The following GLI3 variants were observed in gnomAD, a reference collection of about 807,000 sequenced individuals.
GLI3 encodes GLI family zinc finger 3.
In GLI3, 20 loss-of-function variants were observed where a neutral mutation model predicts 100.8. The ratio of observed to expected loss-of-function variants is 0.20; its 90% CI spans 0.14 to 0.29. The LOEUF (loss-of-function observed/expected upper bound fraction) is 0.29, where lower values mean the gene tolerates loss of function less well. Ranked by LOEUF, GLI3 falls within the 10% of genes least tolerant of loss-of-function variation. GLI3 has a pLI of 1.00. For missense variants in GLI3, 2,040 were observed against 2,128.5 expected, an observed-to-expected ratio of 0.96 and a Z score of 0.82; for synonymous variants, 938 against 860.5, an observed-to-expected ratio of 1.09 and a Z score of -1.58.
chr7:42,149,206 G>A (rs1206664354), intron 2 of GLI3, among the ~76,000 whole-genome samples: 1 of 152,228 alleles, frequency 6.6e-6, no homozygotes, highest in South Asian at 2.1e-4. Flanking sequence ...AAGTCCAGGT[G>A]TGAGATGGCT....
Position 42,233,714 on chromosome 7 carries a change from CTGT to C in GLI3, c.-43+3254_-43+3256del, listed in dbSNP as rs532002407. On this transcript the variant is annotated intron_variant, in intron 1 of 14. Transcript: ENST00000395925. ...AAAGTTTGCAGCAGTACCCCCTGCC[CTGT>C]TGTTGTTTATTCTGTCTCCCTTTAT... Among the ~76,000 whole-genome samples the C allele has an allele frequency of 3.9e-3, 592 of 152,298 alleles. 2 individuals are homozygous for C. The highest frequency in any genetic ancestry group is 0.013 in the African/African-American group (544 of 41,564).
chr7:42,238,010 C>CCTCCTCCTCCTCCTT (rs1169143287), upstream of GLI3: 1 of 156,924 alleles, frequency 6.4e-6, no homozygotes. Flanking sequence ...GCCGCCTCCT[C>CCTCCTCCTCCTCCTT]CTCCTCCTCC....
intron 3 of GLI3, among the ~76,000 whole-genome samples, chr7:42,123,770 C>T (rs1287284572): frequency 6.6e-6 from 1 of 151,676 alleles, no homozygotes; most frequent in African/African-American, 2.4e-5. Flanking sequence ...AATGTAAGTG[C>T]TTACCAACTG....
At chr7:42,008,092 T>G (rs1481747091) in intron 10 of GLI3, among the ~76,000 whole-genome samples, 1 of 152,174 alleles carries the variant, frequency 6.6e-6, no homozygotes, top group Non-Finnish European at 1.5e-5. Context: ...CAGGTTCGAG[T>G]GGGACTAAGT....
chr7:41,996,416 C>T (rs940611840), intron 10 of GLI3, among the ~76,000 whole-genome samples: 6 of 152,238 alleles, frequency 3.9e-5, no homozygotes, highest in East Asian at 1.9e-4. Context: ...TTCAAATGCT[C>T]AACACAGAGA....
At chr7:42,175,806 T>C (rs1048701414) in intron 2 of GLI3, among the ~76,000 whole-genome samples, 1 of 152,176 alleles carries the variant, frequency 6.6e-6, no homozygotes, top group Non-Finnish European at 1.5e-5. Context: ...AATATCAGAC[T>C]GTACAAAACC....
At position 42,230,415 on chromosome 7, in the gene GLI3, A is replaced by G. The variant is rs148236650; in HGVS notation, c.-43+6556T>C. On this transcript the variant is annotated intron_variant, in intron 1 of 14. Coordinates refer to ENST00000395925, the MANE Select transcript of GLI3 (RefSeq NM_000168.6). ...GAATTACTCCAAGGGGAACTAAATT[A>G]CTCTAAGGGGAAATAATTGCCTGGC... Among the ~76,000 whole-genome samples the G allele has an allele frequency of 5.8e-4, 88 of 152,228 alleles. 1 individual carries two copies. The South Asian group carries it at 0.017, about 30-fold the overall frequency.
intron 2 of GLI3, among the ~76,000 whole-genome samples, chr7:42,182,658 A>ATATATATATATACATG (rs1554337020): frequency 1.8e-5 from 1 of 56,052 alleles, no homozygotes; most frequent in African/African-American, 1.0e-4. Flanking sequence ...ATATATATAT[A>ATATATATATATACATG]TATATATATA....
At chr7:42,122,687 A>C (rs1265061102) in intron 3 of GLI3, among the ~76,000 whole-genome samples, 2 of 152,228 alleles carry the variant, frequency 1.3e-5, no homozygotes, top group African/African-American at 4.8e-5. Context: ...AGTCACCAGC[A>C]CCTATCTTTT....
chr7:42,170,287 T>TATATATATATATATACACACACACACAC (rs1452471645), intron 2 of GLI3, among the ~76,000 whole-genome samples: 2 of 124,004 alleles, frequency 1.6e-5, no homozygotes, highest in African/African-American at 6.1e-5. Flanking sequence ...TATATATATA[T>TATATATATATATATACACACACACACAC]ACACACACAT....
chr7:42,054,906 G>T (rs1245430828), intron 4 of GLI3, among the ~76,000 whole-genome samples: 1 of 151,726 alleles, frequency 6.6e-6, no homozygotes, highest in Non-Finnish European at 1.5e-5. Context: ...GAGGCAGGAG[G>T]ATCACTTGAG....
At chr7:42,212,460 A>G (rs769895103) in intron 2 of GLI3, among the ~76,000 whole-genome samples, 1 of 152,226 alleles carries the variant, frequency 6.6e-6, no homozygotes, top group Admixed American at 6.5e-5. Flanking sequence ...TATTTAACCC[A>G]ATTTATAAAG....
intron 10 of GLI3, among the ~76,000 whole-genome samples, chr7:42,008,789 A>G (rs1788529415): frequency 6.6e-6 from 1 of 152,216 alleles, no homozygotes. Flanking sequence ...CACATTAGCT[A>G]GGCTTGGTGG....
At chr7:41,976,810 C>T (rs1314697080) in intron 12 of GLI3, among the ~76,000 whole-genome samples, 1 of 152,160 alleles carries the variant, frequency 6.6e-6, no homozygotes, top group Admixed American at 6.5e-5. Context: ...GCTAGACCTC[C>T]AAGGCCAAAT....
chr7:41,973,548 G>A (rs1787422933), intron 12 of GLI3, among the ~76,000 whole-genome samples: 1 of 152,184 alleles, frequency 6.6e-6, no homozygotes, highest in African/African-American at 2.4e-5. Flanking sequence ...CATCGGATTT[G>A]TGAGTTTGTT....
chr7:41,995,355 G>A (rs1192886861), intron 10 of GLI3, among the ~76,000 whole-genome samples: 1 of 152,084 alleles, frequency 6.6e-6, no homozygotes, highest in Non-Finnish European at 1.5e-5. Context: ...GCAGGAACCT[G>A]GTGTGTAGGC....
intron 2 of GLI3, among the ~76,000 whole-genome samples, chr7:42,169,840 C>T (rs1166683181): frequency 6.6e-6 from 1 of 152,010 alleles, no homozygotes; most frequent in East Asian, 1.9e-4. Flanking sequence ...AAGTCAATTA[C>T]TTCTTATTAC....
rs543250366 is a variant in GLI3, at chr7:42,129,095, T to C, written c.367+19131A>G. On this transcript the variant is annotated intron_variant, in intron 3 of 14. Transcript: ENST00000395925. ...CTGGAAGTAAGTTTTGTAGTAATGA[T>C]AAAATAACAGTACCAAAGAATAAAA... Among the ~76,000 whole-genome samples, 6 of 152,320 alleles carry C rather than the reference T, an allele frequency of 3.9e-5. No individual in the cohort carries two copies. The South Asian group carries it at 8.3e-4, about 21-fold the overall frequency.
Position 41,966,128 on chromosome 7 carries a change from C to G in GLI3, c.2945G>C (p.Gly982Ala). The G allele has an allele frequency of 6.3e-7, 1 of 1,584,830 alleles. No homozygotes were observed. Among genetic ancestry groups the G allele is most frequent in the Non-Finnish European group, 8.5e-7 (1 of 1,170,466 alleles). ...PVHAPRRCSDGGAHGYGRRHL... is the reference protein window; with the variant it reads ...PVHAPRRCSDAGAHGYGRRHL... ...GCGCCGCCCGTAGCCGTGGGCTCCC[C>G]CGTCGCTGCACCTCCTCGGGGCATG... is the stretch of plus-strand genomic sequence containing the variant. The change falls in exon 15 of 15, where the codon GGG (glycine) becomes GCG (alanine). Residue 982 changes from glycine to alanine, a missense_variant. Gly to Ala is a moderately conservative substitution (Grantham distance 60). Transcript: ENST00000395925. This position sits in a 1 kb window ranked among gnomAD's most constrained non-coding sequence, Gnocchi z 5.8.
Sources: gnomAD v4.1 joint callset for allele counts (sites outside exome capture counted in the v4.1 genomes callset) on GRCh38, gnomAD v4.1.1 for gene constraint, Gnocchi (gnomAD v3.1) non-coding constraint, MANE v1.5 for transcripts, NCBI Gene and HGNC (gene_info 2026-07-23, HGNC 2026-07-21) for gene names.